Variants in NRG3 observed in about 807,000 individuals in gnomAD.
The protein encoded by NRG3 is pro-neuregulin-3, membrane-bound isoform.
Under a neutral mutation model 66.9 loss-of-function variants are expected in NRG3, and 31 were observed. The observed-to-expected ratio is 0.46, with a 90% CI of 0.35 to 0.63. The LOEUF is 0.63. Among genes scored for constraint, NRG3 ranks in the 20% least tolerant of loss-of-function variants. The probability of loss-of-function intolerance (pLI) is 0.00; values close to 1 mark genes in which losing one functional copy is unlikely to be tolerated. For synonymous variants in NRG3, 393 were observed against 359.4 expected (o/e 1.09, Z -1.06); for missense variants, 910 against 878.9 (o/e 1.04, Z -0.45).
rs532181608 is a variant in NRG3 at position 81,968,221 on chromosome 10, G to C, written c.823+92058G>C. Reference sequence around the variant, plus strand: ...CCTCAAGCCTCCTAGGGCCTGGTAGGCCTCTTACAGGATTCTCATTGGCCA... The same window carrying C: ...CCTCAAGCCTCCTAGGGCCTGGTAGCCCTCTTACAGGATTCTCATTGGCCA... On this transcript the variant is annotated intron_variant, in intron 1 of 8. Transcript: ENST00000372141. 2.0e-5 allele frequency among the ~76,000 whole-genome samples: 3 copies of C among 152,318 alleles called. No homozygotes were observed. The South Asian group carries it at 6.2e-4, about 32-fold the overall frequency.
intron 1 of NRG3, among the ~76,000 whole-genome samples, chr10:82,301,843 G>T (rs1589648388): frequency 6.6e-6 from 1 of 151,528 alleles, no homozygotes; most frequent in Non-Finnish European, 1.5e-5. Flanking sequence ...CTGCTGTATT[G>T]TTGCCCAGGC....
At chr10:82,157,720 A>G (rs2071289603) in intron 1 of NRG3, among the ~76,000 whole-genome samples, 2 of 128,010 alleles carry the variant, frequency 1.6e-5, no homozygotes, top group Non-Finnish European at 3.3e-5. Flanking sequence ...CATGAATACC[A>G]TTGGCAGAAT....
intron 2 of NRG3, among the ~76,000 whole-genome samples, chr10:82,457,071 C>A (rs1225596112): frequency 6.6e-6 from 1 of 152,124 alleles, no homozygotes; most frequent in South Asian, 2.1e-4. Context: ...GCTACGTAAT[C>A]ATTCCTAATA....
chr10:82,595,249 C>T (rs2047206667), intron 2 of NRG3, among the ~76,000 whole-genome samples: 1 of 152,178 alleles, frequency 6.6e-6, no homozygotes, highest in South Asian at 2.1e-4. Flanking sequence ...TGAACTTACT[C>T]ACTACAGAGG....
chr10:82,920,626 G>C (rs745462592), intron 4 of NRG3, among the ~76,000 whole-genome samples: 2 of 151,922 alleles, frequency 1.3e-5, no homozygotes, highest in Non-Finnish European at 2.9e-5. Context: ...CTGGAGCCAG[G>C]GTCCCTTGAA....
At chr10:82,948,450 T>A (rs1000997403) in intron 4 of NRG3, among the ~76,000 whole-genome samples, 5 of 152,078 alleles carry the variant, frequency 3.3e-5, no homozygotes, top group Admixed American at 2.6e-4. Context: ...TGTCAACTTC[T>A]GTGACAAGAA....
chr10:82,230,508 G>A (rs1201015637), intron 1 of NRG3: 1 of 151,742 alleles, frequency 6.6e-6, no homozygotes, highest in Non-Finnish European at 1.5e-5. Flanking sequence ...CTCAGTGAAT[G>A]TATCTTTTAA....
At chr10:82,500,891 G>T (rs561877134) in intron 2 of NRG3, among the ~76,000 whole-genome samples, 40 of 152,270 alleles carry the variant, frequency 2.6e-4, no homozygotes, top group East Asian at 1.3e-3. Flanking sequence ...AAGTTTAAAG[G>T]TCTAGATGGT....
intron 2 of NRG3, among the ~76,000 whole-genome samples, chr10:82,433,361 A>G (rs2136345955): frequency 6.6e-6 from 1 of 152,098 alleles, no homozygotes; most frequent in East Asian, 1.9e-4. Context: ...AATTCTGGAT[A>G]TTAGACCTTT....
intron 1 of NRG3, among the ~76,000 whole-genome samples, chr10:81,996,018 T>C (rs1203604315): frequency 6.6e-6 from 1 of 152,200 alleles, no homozygotes; most frequent in Non-Finnish European, 1.5e-5. Context: ...TTTTTTTCTT[T>C]ATAATGCATA....
At chr10:82,319,714 G>C (rs1390094120) in intron 1 of NRG3, among the ~76,000 whole-genome samples, 1 of 152,174 alleles carries the variant, frequency 6.6e-6, no homozygotes, top group East Asian at 1.9e-4. Context: ...TCCTTAGCCT[G>C]CAGCCCACCT....
chr10:82,566,514 T>A (rs1590697005), intron 2 of NRG3, among the ~76,000 whole-genome samples: 1 of 152,028 alleles, frequency 6.6e-6, no homozygotes, highest in Non-Finnish European at 1.5e-5. Context: ...ATTAATGGAT[T>A]AGTTATCTCT....
intron 2 of NRG3, among the ~76,000 whole-genome samples, chr10:82,605,530 C>A (rs1176535986): frequency 6.6e-6 from 1 of 151,922 alleles, no homozygotes; most frequent in African/African-American, 2.4e-5. Flanking sequence ...TAGTTCATAG[C>A]TTTCCTTTTT....
chr10:82,815,935 C>T (rs1173740880), intron 3 of NRG3, among the ~76,000 whole-genome samples: 2 of 152,134 alleles, frequency 1.3e-5, no homozygotes, highest in African/African-American at 4.8e-5. Context: ...CGCTAGCACA[C>T]GTTTTGGCTC....
chr10:82,644,715 G>A (rs1440622031), intron 2 of NRG3, among the ~76,000 whole-genome samples: 1 of 152,050 alleles, frequency 6.6e-6, no homozygotes, highest in Non-Finnish European at 1.5e-5. Context: ...TGTGTCTATG[G>A]ACGGGGATGA....
chr10:82,483,019 G>A (rs919736041), intron 2 of NRG3, among the ~76,000 whole-genome samples: 1 of 152,110 alleles, frequency 6.6e-6, no homozygotes, highest in Non-Finnish European at 1.5e-5. Context: ...TCTTAAATGG[G>A]TTAACAAGTA....
chr10:82,050,296 C>G (rs1367640983), intron 1 of NRG3, among the ~76,000 whole-genome samples: 2 of 150,208 alleles, frequency 1.3e-5, no homozygotes, highest in Non-Finnish European at 3.0e-5. Flanking sequence ...GAGGTTTTTG[C>G]CATCACCTTC....
At chr10:82,593,025 A>G (rs2047072357) in intron 2 of NRG3, among the ~76,000 whole-genome samples, 1 of 152,004 alleles carries the variant, frequency 6.6e-6, no homozygotes, top group Non-Finnish European at 1.5e-5. Context: ...TCAAATCTCA[A>G]TTTCCTACTG....
Position 82,263,703 on chromosome 10 carries a change from G to A in NRG3, c.824-95036G>A, listed in dbSNP as rs115103073. Among the ~76,000 whole-genome samples the A allele has an allele frequency of 1.8e-3, 280 of 151,862 alleles. 1 individual carries two copies. The highest frequency in any genetic ancestry group is 6.2e-3 in the African/African-American group (257 of 41,352). On this transcript the variant is annotated intron_variant, in intron 1 of 8. Transcript: ENST00000372141. ...AAATTGTATAAATTTTTCCATAGTC[G>A]AGATGTATAATTTAACCTTCCCTTT...
Sources: gnomAD v4.1 joint callset for allele counts (sites outside exome capture counted in the v4.1 genomes callset) on GRCh38, gnomAD v4.1.1 for gene constraint, MANE v1.5 for transcripts, NCBI Gene and HGNC (gene_info 2026-07-23, HGNC 2026-07-21) for gene names.